The following FAM124B variants were observed in gnomAD, a reference collection of about 807,000 sequenced individuals.
The protein encoded by FAM124B is family with sequence similarity 124 member B, also known as protein FAM124B.
FAM124B carries 18 observed loss-of-function variants against 19.7 expected under a neutral mutation model. That is an observed-to-expected ratio of 0.92 (90% CI 0.63 to 1.36). The LOEUF is 1.36. FAM124B is among the 40% of genes most tolerant of loss of function. The pLI is 0.00. For missense variants in FAM124B, 540 were observed against 553.3 expected, an observed-to-expected ratio of 0.98 and a Z score of 0.24; for synonymous variants, 223 against 225.2, an observed-to-expected ratio of 0.99 and a Z score of 0.09.
In FAM124B at chr2:224,380,008, G is replaced by A; in HGVS notation, c.933C>T (p.Gly311=). The change falls in exon 2 of 2, where the codon GGC becomes GGT. Residue 311 remains glycine (G), a synonymous_variant. Transcript: ENST00000409685. ...ACCGGCCAGGGCTTTTCCACGAAGT[G>A]CCAGCACACCTGTCTGATGTGGGGC... ...SGSPTSDRCA[G]TSWKSPGRSF... 1 of 1,551,716 alleles carries A rather than the reference G, an allele frequency of 6.4e-7. No homozygotes were observed. Among genetic ancestry groups the A allele is most frequent in the South Asian group, 1.2e-5 (1 of 84,058 alleles).
At chr2:224,396,327 C>T (rs1292137035) in intron 1 of FAM124B, among the ~76,000 whole-genome samples, 1 of 152,120 alleles carries the variant, frequency 6.6e-6, no homozygotes, top group African/African-American at 2.4e-5. Context: ...GACACCCTTG[C>T]TCCCTTCTCC....
intron 1 of FAM124B, among the ~76,000 whole-genome samples, chr2:224,385,612 T>C (rs1689790678): frequency 6.6e-6 from 1 of 152,164 alleles, no homozygotes; most frequent in Admixed American, 6.5e-5. Context: ...CACATCTACC[T>C]ATCCAACTGC....
chr2:224,380,879 G>T (rs1406255943), intron 1 of FAM124B, among the ~76,000 whole-genome samples: 1 of 152,120 alleles, frequency 6.6e-6, no homozygotes, highest in East Asian at 1.9e-4. Context: ...ATTCCACTCT[G>T]GTTACAAACT....
intron 1 of FAM124B, among the ~76,000 whole-genome samples, chr2:224,381,424 C>T (rs1051810801): frequency 2.0e-5 from 3 of 152,096 alleles, no homozygotes; most frequent in Non-Finnish European, 2.9e-5. Flanking sequence ...CCACTGCACT[C>T]CAGCCTGGGT....
At chr2:224,392,800 C>A (rs114646863) in intron 1 of FAM124B, among the ~76,000 whole-genome samples, 3,074 of 146,372 alleles carry the variant, frequency 0.021, 89 homozygotes, top group African/African-American at 0.073. Context: ...GTTTTGTCAC[C>A]AACGAGGCTA....
Position 224,401,064 on chromosome 2 carries a change from GT to G in FAM124B, c.704del (p.Asp235AlafsTer13). On this transcript the variant is annotated frameshift_variant, in exon 1 of 2. Transcript: ENST00000409685. LOFTEE classifies it low-confidence loss of function (END_TRUNC). ...GAAGCAGAATCTTGTTGCCATCGTA[GT>G]CCTGAGTCTGCCACCTGGTGCTGCT... ...PISSTRWQTQ[D>X]YDGNKILLQV... The G allele has an allele frequency of 1.9e-6, 3 of 1,608,490 alleles. No homozygotes were observed. The highest frequency in any genetic ancestry group is 2.6e-6 in the Non-Finnish European group (3 of 1,176,068).
intron 1 of FAM124B, among the ~76,000 whole-genome samples, chr2:224,397,150 G>A (rs1035107225): frequency 6.6e-6 from 1 of 152,192 alleles, no homozygotes; most frequent in African/African-American, 2.4e-5. Context: ...TGTGTCGTGG[G>A]AGGAACCCAG....
intron 1 of FAM124B, among the ~76,000 whole-genome samples, chr2:224,397,685 T>C (rs1349580055): frequency 2.6e-5 from 4 of 152,186 alleles, no homozygotes; most frequent in Non-Finnish European, 5.9e-5. Flanking sequence ...GAGGAGCTTA[T>C]TGGGAACTGG....
At chr2:224,382,972 T>C (rs113021344) in intron 1 of FAM124B, among the ~76,000 whole-genome samples, 2,381 of 152,230 alleles carry the variant, frequency 0.016, 68 homozygotes, top group African/African-American at 0.053. Flanking sequence ...CTGAGTGCAG[T>C]GCCCCAGAGT....
Position 224,380,090 on chromosome 2 carries a change from C to T in FAM124B, c.851G>A (p.Arg284Lys), listed in dbSNP as rs1448151198. 2 of 1,551,718 alleles carry T rather than the reference C, an allele frequency of 1.3e-6. No individual in the cohort carries two copies. Among genetic ancestry groups the T allele is most frequent in the East Asian group, 2.4e-5 (1 of 40,914 alleles). ...CCCCTGGGACCTCTTGCCCTGGTTC[C>T]TCTGGCTCCTGGGTTCTGAGGTCCT... ...AKRTSEPRSQRNQGKRSQGHS... is the reference protein window; with the variant it reads ...AKRTSEPRSQKNQGKRSQGHS... Residue 284 changes from arginine (R) to lysine (K), a missense_variant, in exon 2 of 2, where the codon AGG becomes AAG. Physicochemically the swap from Arg to Lys is conservative, Grantham distance 26. Transcript: ENST00000409685.
At chr2:224,400,587 G>A in intron 1 of FAM124B, 1 of 649,472 alleles carries the variant, frequency 1.5e-6, no homozygotes. Context: ...CAGATTAGAA[G>A]AGCTTGTGAC....
At position 224,380,202 on chromosome 2, in the gene FAM124B, G is replaced by T; in HGVS notation, c.739C>A (p.Leu247Met). The T allele has an allele frequency of 1.3e-6, 2 of 1,541,888 alleles. No homozygotes were observed. The highest frequency in any genetic ancestry group is 1.8e-6 in the Non-Finnish European group (2 of 1,140,926). Reference protein sequence around the residue: ...DGNKILLQVQLNPELGVKNGI... With the variant: ...DGNKILLQVQMNPELGVKNGI... ...TTCTTAACACCAAGTTCTGGATTCA[G>T]CTGAACCTACAGGAAAGGAAAGGAG... Residue 247 changes from leucine (L) to methionine (M), a missense_variant, in exon 2 of 2, where the codon CTG (leucine) becomes ATG (methionine). Transcript: ENST00000409685.
chr2:224,379,376 T>C lies in FAM124B; in HGVS notation c.*197A>G. ...CCTGTGTGTTGGCTGTGTTCTCTTA[T>C]GACTGTGACGGCAAATAAACAATCA... On this transcript the variant is annotated 3_prime_UTR_variant, in exon 2 of 2. Coordinates refer to ENST00000409685, the MANE Select transcript of FAM124B (RefSeq NM_001122779.2). 1 of 794,742 alleles carries C rather than the reference T, an allele frequency of 1.3e-6. No homozygotes were observed. The highest frequency in any genetic ancestry group is 1.7e-5 in the African/African-American group (1 of 57,510). 49.2% of individuals were successfully genotyped at this position (794,742 alleles called of 1,614,324 possible). A position where few individuals can be genotyped will look rare whatever the true frequency, so the allele number is the denominator to read the frequency against.
Position 224,380,211 on chromosome 2 carries a change from A to G in FAM124B, c.733-3T>C. ...CCAAGTTCTGGATTCAGCTGAACCTACAGGAAAGGAAAGGAGGAACATATG... is the reference window on the plus strand; with the variant it reads ...CCAAGTTCTGGATTCAGCTGAACCTGCAGGAAAGGAAAGGAGGAACATATG... On this transcript the variant is annotated splice_region_variant and splice_polypyrimidine_tract_variant and intron_variant, in intron 1 of 1. Coordinates refer to ENST00000409685, the MANE Select transcript of FAM124B (RefSeq NM_001122779.2). 1 of 1,534,666 alleles carries G rather than the reference A, an allele frequency of 6.5e-7. No homozygotes were observed. Among genetic ancestry groups the G allele is most frequent in the Non-Finnish European group, 8.8e-7 (1 of 1,137,138 alleles).
intron 1 of FAM124B, among the ~76,000 whole-genome samples, chr2:224,390,999 G>T (rs1344528739): frequency 1.3e-5 from 2 of 148,662 alleles, no homozygotes; most frequent in Non-Finnish European, 3.0e-5. Context: ...CACCGCGCCC[G>T]GCCAACAAAC....
chr2:224,386,592 C>T (rs1434031753), intron 1 of FAM124B, among the ~76,000 whole-genome samples: 1 of 152,184 alleles, frequency 6.6e-6, no homozygotes, highest in East Asian at 1.9e-4. Context: ...CTAGCTCTCA[C>T]AGCGCAGTCT....
chr2:224,386,596 G>A (rs952343258), intron 1 of FAM124B, among the ~76,000 whole-genome samples: 10 of 152,230 alleles, frequency 6.6e-5, no homozygotes, highest in South Asian at 6.2e-4. Flanking sequence ...CTCTCACAGC[G>A]CAGTCTGAAC....
chr2:224,394,171 GC>G (rs1689933170), intron 1 of FAM124B, among the ~76,000 whole-genome samples: 1 of 152,112 alleles, frequency 6.6e-6, no homozygotes, highest in African/African-American at 2.4e-5. Flanking sequence ...CTCCGGAAGT[GC>G]ACGCATTTTC....
chr2:224,391,520 C>T (rs1028350682), intron 1 of FAM124B, among the ~76,000 whole-genome samples: 4 of 152,086 alleles, frequency 2.6e-5, no homozygotes, highest in African/African-American at 9.7e-5. Flanking sequence ...TCAAGTTTCG[C>T]TACAGTGTTA....
Sources: gnomAD v4.1 joint callset for allele counts (sites outside exome capture counted in the v4.1 genomes callset) on GRCh38, gnomAD v4.1.1 for gene constraint, MANE v1.5 for transcripts, NCBI Gene and HGNC (gene_info 2026-07-23, HGNC 2026-07-21) for gene names.